The following CRADD variants were observed in gnomAD, a reference collection of about 807,000 sequenced individuals.
CRADD encodes death domain-containing protein CRADD.
A neutral mutation model predicts 15.5 loss-of-function variants in CRADD; 9 were observed. The observed-to-expected ratio is 0.58, with a 90% CI of 0.35 to 1.01. The LOEUF (loss-of-function observed/expected upper bound fraction) is 1.01. Among genes scored for constraint, CRADD ranks in the 50% least tolerant of loss-of-function variants. The pLI, the probability that CRADD is intolerant of heterozygous loss-of-function variation, is 0.02. For missense variants in CRADD, 227 were observed against 250.3 expected, an observed-to-expected ratio of 0.91 and a Z score of 0.63; for synonymous variants, 118 against 107.6, an observed-to-expected ratio of 1.10 and a Z score of -0.60.
At chr12:93,694,419 G>T (rs1204548694) in intron 2 of CRADD, among the ~76,000 whole-genome samples, 1 of 152,104 alleles carries the variant, frequency 6.6e-6, no homozygotes. Context: ...ACAAGAGAAG[G>T]ATGCCCACTC....
At chr12:93,843,013 G>A (rs1035668350) in intron 2 of CRADD, among the ~76,000 whole-genome samples, 38 of 152,152 alleles carry the variant, frequency 2.5e-4, no homozygotes, top group Non-Finnish European at 1.5e-4. Flanking sequence ...TATGAGGGCC[G>A]TCTAAAAGGA....
chr12:93,738,169 A>G, intron 2 of CRADD: 1 of 601,796 alleles, frequency 1.7e-6, no homozygotes, highest in Non-Finnish European at 3.0e-6. Context: ...GTCAGTTGGA[A>G]CAAAACAACA....
chr12:93,774,553 G>T (rs966427339), intron 2 of CRADD, among the ~76,000 whole-genome samples: 66 of 152,272 alleles, frequency 4.3e-4, no homozygotes, highest in Non-Finnish European at 5.4e-4. Context: ...GTGAAGATGG[G>T]TTAGGAGGTG....
intron 2 of CRADD, among the ~76,000 whole-genome samples, chr12:93,805,508 C>T (rs939172127): frequency 3.3e-5 from 5 of 151,530 alleles, no homozygotes; most frequent in South Asian, 4.2e-4. Flanking sequence ...AGCCTGTTTC[C>T]TCAACTGCCC....
chr12:93,792,512 A>G (rs1282354135), intron 2 of CRADD, among the ~76,000 whole-genome samples: 4 of 152,280 alleles, frequency 2.6e-5, no homozygotes, highest in Admixed American at 6.5e-5. Flanking sequence ...ATTTAGATCT[A>G]CCACTTAGGA....
chr12:93,862,919 T>C (rs1416472816), intron 2 of CRADD, among the ~76,000 whole-genome samples: 1 of 152,176 alleles, frequency 6.6e-6, no homozygotes, highest in Non-Finnish European at 1.5e-5. Context: ...TTTAAAAAGG[T>C]ATGAACAGTA....
chr12:93,752,619 T>C (rs577614013), intron 2 of CRADD, among the ~76,000 whole-genome samples: 2 of 152,308 alleles, frequency 1.3e-5, no homozygotes, highest in South Asian at 4.1e-4. Flanking sequence ...TATCTGATGG[T>C]AAAATGGATA....
intron 2 of CRADD, among the ~76,000 whole-genome samples, chr12:93,688,979 C>T (rs1955501216): frequency 6.6e-6 from 1 of 152,042 alleles, no homozygotes; most frequent in Non-Finnish European, 1.5e-5. Context: ...GTATCTCTCT[C>T]GTATCTCTCA....
At chr12:93,764,283 A>G (rs940232268) in intron 2 of CRADD, among the ~76,000 whole-genome samples, 1 of 150,750 alleles carries the variant, frequency 6.6e-6, no homozygotes. Context: ...TTTGGAGGCT[A>G]TCGCACTAAC....
chr12:93,890,305 T>C (rs1036411984), intron 2 of CRADD, among the ~76,000 whole-genome samples: 4 of 152,218 alleles, frequency 2.6e-5, no homozygotes, highest in African/African-American at 4.8e-5. Flanking sequence ...GTGCTCAGCA[T>C]TGAGTATATT....
At chr12:93,729,473 G>A (rs1319245343) in intron 2 of CRADD, among the ~76,000 whole-genome samples, 1 of 152,044 alleles carries the variant, frequency 6.6e-6, no homozygotes, top group Non-Finnish European at 1.5e-5. Context: ...ACCAATAGCA[G>A]AAACTAAATA....
rs375558973 is a variant in CRADD, at chr12:93,684,362, G to A, written c.298+5290G>A. ...ATTCTCATAAGGAGTGCGCGACCTC[G>A]ATCTCTGGCATGTGCAGTTCACAAT... On this transcript the variant is annotated intron_variant, in intron 2 of 2. Coordinates refer to ENST00000332896, the MANE Select transcript of CRADD (RefSeq NM_003805.5). Among the ~76,000 whole-genome samples the A allele has an allele frequency of 3.3e-5, 5 of 152,246 alleles. No individual in the cohort carries two copies. In the East Asian group the frequency reaches 5.8e-4, roughly 18 times the overall value.
downstream of CRADD, among the ~76,000 whole-genome samples, chr12:93,851,386 TC>T (rs1345864082): frequency 6.6e-6 from 1 of 152,178 alleles, no homozygotes; most frequent in Non-Finnish European, 1.5e-5. Context: ...TGAATCCTGC[TC>T]CCCGCCTACT....
chr12:93,752,953 T>A lies in CRADD; in HGVS notation c.298+73881T>A, dbSNP rs1956844375. ...GAGAGCTTGTGCAGGGAAACTCCCC[T>A]TTGTAAAACCATCAGATCTTGTGAG... On this transcript the variant is annotated intron_variant, in intron 2 of 2. Transcript: ENST00000332896. Among the ~76,000 whole-genome samples the A allele has an allele frequency of 2.0e-5, 3 of 152,128 alleles. No individual in the cohort carries two copies. In the South Asian group the frequency reaches 6.2e-4, roughly 32 times the overall value.
intron 2 of CRADD, among the ~76,000 whole-genome samples, chr12:93,884,852 A>T (rs1033496368): frequency 6.6e-6 from 1 of 152,160 alleles, no homozygotes; most frequent in Non-Finnish European, 1.5e-5. Context: ...GAGGTGGAGA[A>T]TCAGAGAGGG....
In CRADD at chr12:93,824,609, G is replaced by T. The variant is rs564530018; in HGVS notation, c.299-25361G>T. On this transcript the variant is annotated intron_variant, in intron 2 of 2. Transcript: ENST00000332896. This position sits in a 1 kb window ranked among gnomAD's most constrained non-coding sequence, Gnocchi z 4.3. ...CTTAGGGAACTGTCGTGTTAACACCGAAGAATGCATTAGAATGCATCATTC... is the reference window on the plus strand; with the variant it reads ...CTTAGGGAACTGTCGTGTTAACACCTAAGAATGCATTAGAATGCATCATTC... Among the ~76,000 whole-genome samples the T allele has an allele frequency of 6.6e-6, 1 of 152,172 alleles. No homozygotes were observed. Among genetic ancestry groups the T allele is most frequent in the Admixed American group, 6.5e-5 (1 of 15,286 alleles).
intron 2 of CRADD, among the ~76,000 whole-genome samples, chr12:93,834,772 G>A (rs1298296474): frequency 6.6e-6 from 1 of 152,234 alleles, no homozygotes. Flanking sequence ...ACAGGCGTGA[G>A]CCACCATGCC....
chr12:93,696,291 T>A (rs1955705238), intron 2 of CRADD, among the ~76,000 whole-genome samples: 1 of 152,224 alleles, frequency 6.6e-6, no homozygotes, highest in Non-Finnish European at 1.5e-5. Context: ...ACTTTCATGT[T>A]CACTGCAGCA....
chr12:93,894,325 T>A, exon 3 of CRADD: 1 of 584,212 alleles, frequency 1.7e-6, no homozygotes, highest in East Asian at 2.9e-5. Flanking sequence ...ACAGAGATGC[T>A]GCTAAACCTA....
Sources: allele counts gnomAD v4.1 joint callset (sites outside exome capture counted in the v4.1 genomes callset), GRCh38; gene constraint gnomAD v4.1.1; non-coding constraint Gnocchi (gnomAD v3.1); transcripts MANE v1.5; gene names NCBI Gene and HGNC (gene_info 2026-07-23, HGNC 2026-07-21).